ASTN2: variants seen among roughly 807,000 people sequenced by gnomAD.
ASTN2 encodes astrotactin 2, also known as astrotactin-2.
A neutral mutation model predicts 139.8 loss-of-function variants in ASTN2; 54 were observed. That is an observed-to-expected ratio of 0.39 (90% CI 0.31 to 0.48). The LOEUF is 0.48. Among genes scored for constraint, ASTN2 ranks in the 20% least tolerant of loss-of-function variants. The pLI is 0.95. For missense variants in ASTN2, 1,565 were observed against 1,725.1 expected (o/e 0.91, Z 1.64); for synonymous variants, 756 against 719.5 (o/e 1.05, Z -0.81).
At chr9:117,315,609 A>G (rs1175498013) in intron 1 of ASTN2, among the ~76,000 whole-genome samples, 1 of 152,234 alleles carries the variant, frequency 6.6e-6, no homozygotes, top group East Asian at 1.9e-4. Context: ...AGCAGTTCTC[A>G]GTAAATGCTC....
At chr9:117,071,585 C>A (rs1380385234) in intron 5 of ASTN2, among the ~76,000 whole-genome samples, 1 of 150,348 alleles carries the variant, frequency 6.7e-6, no homozygotes, top group African/African-American at 2.4e-5. Flanking sequence ...CAAGCCTGGG[C>A]AATGGCGGGC....
chr9:117,262,639 C>A (rs1204699279), intron 2 of ASTN2, among the ~76,000 whole-genome samples: 1 of 151,984 alleles, frequency 6.6e-6, no homozygotes, highest in Non-Finnish European at 1.5e-5. Flanking sequence ...GGATAATAAC[C>A]CCCAAAGATG....
chr9:116,654,124 G>T (rs1305474786), intron 16 of ASTN2, among the ~76,000 whole-genome samples: 2 of 152,210 alleles, frequency 1.3e-5, no homozygotes, highest in African/African-American at 4.8e-5. Context: ...GAGCAATGAG[G>T]ACACTAGGGA....
chr9:116,424,475 T>C lies in ASTN2; in HGVS notation c.*1376A>G, dbSNP rs1400747743. Among the ~76,000 whole-genome samples, 1 of 152,226 alleles carries C rather than the reference T, an allele frequency of 6.6e-6. No homozygotes were observed. The highest frequency in any genetic ancestry group is 1.5e-5 in the Non-Finnish European group (1 of 68,034). On this transcript the variant is annotated 3_prime_UTR_variant, in exon 23 of 23. Transcript: ENST00000313400. ...CTTGCCAAGCTCCCAGCCTCACCTT[T>C]TAACACTTCCTATTTTGATCCCTAC...
In ASTN2 at chr9:117,039,953, C is replaced by G. The variant is rs763151042; in HGVS notation, c.1289G>C (p.Ser430Thr). 8.1e-6 allele frequency: 13 copies of G among 1,611,004 alleles called. No individual in the cohort carries two copies. In the South Asian group the frequency reaches 1.3e-4, roughly 16 times the overall value. The change falls in exon 6 of 23, where the codon AGC (serine) becomes ACC (threonine). Residue 430 changes from serine to threonine, a missense_variant. Ser to Thr is a moderately conservative substitution (Grantham distance 58). Around this residue, in one of 4 missense-constraint regions of ASTN2, gnomAD observed 503 missense variants for 591.7 expected, o/e 0.85. Transcript: ENST00000313400. ...SRRRSKGLLK[S>T]PVNKTALTLI... ...TGTCAGGGCTGTCTTGTTCACTGGG[C>G]TTTTCAGCAAACCTGGTAACAAGAA...
chr9:117,170,447 G>A (rs1830765891), intron 3 of ASTN2, among the ~76,000 whole-genome samples: 1 of 152,116 alleles, frequency 6.6e-6, no homozygotes, highest in Non-Finnish European at 1.5e-5. Context: ...CAATGAAGAA[G>A]GAAGACAAAA....
At chr9:117,085,938 A>T (rs549215403) in intron 5 of ASTN2, among the ~76,000 whole-genome samples, 30 of 152,212 alleles carry the variant, frequency 2.0e-4, no homozygotes, top group Non-Finnish European at 4.1e-4. Flanking sequence ...CCCTTAACTC[A>T]TGGCAGCCTC....
chr9:116,699,579 C>G lies in ASTN2; in HGVS notation c.2806+26192G>C. On this transcript the variant is annotated intron_variant, in intron 16 of 22. Transcript: ENST00000313400. This position sits in a 1 kb window ranked among gnomAD's most constrained non-coding sequence, Gnocchi z 4.2. The stretch of plus-strand genomic sequence containing the variant: ...GGGTGGGGGCTATAGTGTCCTTATT[C>G]GAGAGGGACTTACCTGTCCGGTGGG... The G allele has an allele frequency of 6.2e-7, 1 of 1,614,166 alleles. No individual in the cohort carries two copies. Among genetic ancestry groups the G allele is most frequent in the South Asian group, 1.1e-5 (1 of 91,080 alleles).
At chr9:117,079,215 G>T (rs550236705) in intron 5 of ASTN2, among the ~76,000 whole-genome samples, 1 of 152,264 alleles carries the variant, frequency 6.6e-6, no homozygotes, top group Admixed American at 6.5e-5. Flanking sequence ...AATTAGCCAC[G>T]TGTGGTGGTG....
chr9:117,184,700 T>C (rs1831153864), intron 3 of ASTN2, among the ~76,000 whole-genome samples: 1 of 152,186 alleles, frequency 6.6e-6, no homozygotes, highest in Non-Finnish European at 1.5e-5. Context: ...TGGTCATGCC[T>C]GCAAGTCATA....
At chr9:117,236,114 A>T (rs947472365) in intron 2 of ASTN2, among the ~76,000 whole-genome samples, 4 of 152,134 alleles carry the variant, frequency 2.6e-5, no homozygotes, top group African/African-American at 9.7e-5. Flanking sequence ...CTCACCAGAA[A>T]ACTGAGGCAC....
chr9:116,427,209 C>T (rs1036226592), intron 22 of ASTN2, among the ~76,000 whole-genome samples: 1 of 152,114 alleles, frequency 6.6e-6, no homozygotes, highest in Non-Finnish European at 1.5e-5. Flanking sequence ...CAGGGCCCCA[C>T]CTACCGCCAG....
At chr9:116,818,694 A>G (rs1003074871) in intron 12 of ASTN2, among the ~76,000 whole-genome samples, 2 of 152,220 alleles carry the variant, frequency 1.3e-5, no homozygotes, top group African/African-American at 4.8e-5. Context: ...TAACAAACAC[A>G]TACAGTGCTA....
At chr9:116,524,635 T>C (rs192652261) in intron 19 of ASTN2, among the ~76,000 whole-genome samples, 2 of 152,354 alleles carry the variant, frequency 1.3e-5, no homozygotes, top group African/African-American at 4.8e-5. Context: ...CTTGGTGTTT[T>C]GTGAACTGAA....
chr9:116,543,860 T>A (rs1383413508), intron 19 of ASTN2: 1 of 152,132 alleles, frequency 6.6e-6, no homozygotes, highest in Admixed American at 6.6e-5. Flanking sequence ...CCTGTTGGTA[T>A]CTTCTGCTGA....
At chr9:116,662,849 G>A (rs10983298) in intron 16 of ASTN2, among the ~76,000 whole-genome samples, 16,429 of 152,034 alleles carry the variant, frequency 0.11, 1,364 homozygotes, top group South Asian at 0.4. Flanking sequence ...AAGTAATGTC[G>A]TAATTTTTTA....
intron 20 of ASTN2, among the ~76,000 whole-genome samples, chr9:116,479,330 T>C (rs1488572584): frequency 1.3e-5 from 2 of 152,152 alleles, no homozygotes; most frequent in African/African-American, 2.4e-5. Context: ...AAGGGAAACA[T>C]TGGGATTTCA....
At position 117,274,073 on chromosome 9, in the gene ASTN2, T is replaced by A. The variant is rs145204173; in HGVS notation, c.630+17253A>T. ...CCAACAAAAGTCTGGAGTGGAGGTC[T>A]GGTGTGGTAGCTCACGCCTGTAATC... On this transcript the variant is annotated intron_variant, in intron 2 of 22. Coordinates refer to ENST00000313400, the MANE Select transcript of ASTN2 (RefSeq NM_001365068.1). Among the ~76,000 whole-genome samples, 778 of 152,264 alleles carry A rather than the reference T, an allele frequency of 5.1e-3. 8 individuals are homozygous for A. Among genetic ancestry groups the A allele is most frequent in the African/African-American group, 0.018 (752 of 41,540 alleles).
chr9:116,512,558 G>A (rs746815196), intron 19 of ASTN2, among the ~76,000 whole-genome samples: 10 of 152,146 alleles, frequency 6.6e-5, no homozygotes, highest in South Asian at 2.1e-4. Flanking sequence ...GGATATCCTC[G>A]TTAACTTTCT....
Sources: gnomAD v4.1 joint callset for allele counts (sites outside exome capture counted in the v4.1 genomes callset) on GRCh38, gnomAD v4.1.1 for gene constraint, gnomAD v4.1.1 regional missense constraint, Gnocchi (gnomAD v3.1) non-coding constraint, MANE v1.5 for transcripts, NCBI Gene and HGNC (gene_info 2026-07-23, HGNC 2026-07-21) for gene names.